The following SOD2 variants were observed in gnomAD, a reference collection of about 807,000 sequenced individuals.
SOD2 encodes the protein superoxide dismutase 2.
A neutral mutation model predicts 27.0 loss-of-function variants in SOD2; 11 were observed. The observed-to-expected ratio is 0.41, with a 90% CI of 0.26 to 0.67. The LOEUF is 0.67. Among genes scored for constraint, SOD2 ranks in the 30% least tolerant of loss-of-function variants. The pLI is 0.34. For missense variants in SOD2, 250 were observed against 274.5 expected (o/e 0.91, Z 0.63); for synonymous variants, 105 against 103.0 (o/e 1.02, Z -0.12).
chr6:159,701,101 A>C (rs1294025819), intron 1 of SOD2, among the ~76,000 whole-genome samples: 1 of 152,098 alleles, frequency 6.6e-6, no homozygotes, highest in Non-Finnish European at 1.5e-5. Flanking sequence ...GAGCAATATA[A>C]ATATAACCCC....
chr6:159,742,116 G>A (rs1417769727), intron 1 of SOD2: 1 of 1,607,804 alleles, frequency 6.2e-7, no homozygotes, highest in African/African-American at 1.3e-5. Flanking sequence ...ATATGTACAA[G>A]CTTTGGAGGG....
intron 1 of SOD2, among the ~76,000 whole-genome samples, chr6:159,709,167 A>G (rs1219012196): frequency 6.6e-6 from 1 of 152,210 alleles, no homozygotes; most frequent in Non-Finnish European, 1.5e-5. Flanking sequence ...AAAACCCTAG[A>G]AGAAAACCTA....
chr6:159,734,059 A>G (rs879444217), intron 1 of SOD2, among the ~76,000 whole-genome samples: 7 of 152,234 alleles, frequency 4.6e-5, no homozygotes, highest in Non-Finnish European at 4.4e-5. Context: ...AGAATGTTTC[A>G]TTTATAAAGT....
chr6:159,705,515 G>T (rs967380907), intron 1 of SOD2, among the ~76,000 whole-genome samples: 2 of 152,130 alleles, frequency 1.3e-5, no homozygotes, highest in Non-Finnish European at 2.9e-5. Context: ...GGAAGAAAGG[G>T]TATCAGTGAT....
rs1353775453 is a variant in SOD2 at position 159,675,237 on chromosome 6, G to GA, written c.*7255dup. ...ACCCATGACTTTCTTCATAGAATTG[G>GA]AAAAAACTACTTTAAAGTTCATGTG... On this transcript the variant is annotated 3_prime_UTR_variant, in exon 5 of 5. Coordinates refer to ENST00000538183, the MANE Select transcript of SOD2 (RefSeq NM_000636.4). 2 of 152,078 alleles carry GA rather than the reference G, an allele frequency of 1.3e-5. No homozygotes were observed. The highest frequency in any genetic ancestry group is 2.9e-5 in the Non-Finnish European group (2 of 68,008). The allele number at this position is 152,078 out of a possible 1,614,324, so 9.4% of individuals were successfully genotyped here.
At chr6:159,761,627 C>T (rs919787122) in exon 1 of SOD2, 7 of 453,910 alleles carry the variant, frequency 1.5e-5, no homozygotes, top group Non-Finnish European at 3.1e-5. Flanking sequence ...CGTGGGATTC[C>T]AGTCCTGAGC....
chr6:159,740,420 G>A (rs1292153459), intron 1 of SOD2, among the ~76,000 whole-genome samples: 2 of 152,198 alleles, frequency 1.3e-5, no homozygotes, highest in Admixed American at 6.5e-5. Context: ...GATTCCCTTG[G>A]AGATTTTAAA....
upstream of SOD2, among the ~76,000 whole-genome samples, chr6:159,696,134 A>G (rs1046805570): frequency 6.6e-6 from 1 of 152,184 alleles, no homozygotes; most frequent in Non-Finnish European, 1.5e-5. Context: ...TCCCTCATGT[A>G]ACAAAGATCT....
chr6:159,694,354 G>T (rs1199233941), upstream of SOD2, among the ~76,000 whole-genome samples: 2 of 152,160 alleles, frequency 1.3e-5, no homozygotes, highest in African/African-American at 4.8e-5. Context: ...GAAGGTAGCA[G>T]GTGCTGAACC....
chr6:159,736,065 T>C (rs1778894196), intron 1 of SOD2, among the ~76,000 whole-genome samples: 1 of 152,196 alleles, frequency 6.6e-6, no homozygotes, highest in African/African-American at 2.4e-5. Context: ...GTACAGAGTA[T>C]ATAGGAACTC....
chr6:159,749,064 G>T (rs1463806247), upstream of SOD2: 10 of 989,622 alleles, frequency 1.0e-5, no homozygotes, highest in South Asian at 4.2e-4. Context: ...TATATTACTT[G>T]CTTGAGCCTT....
upstream of SOD2, among the ~76,000 whole-genome samples, chr6:159,697,051 A>ACACG (rs1777433823): frequency 6.6e-6 from 1 of 151,146 alleles, no homozygotes; most frequent in African/African-American, 2.4e-5. Context: ...ACACACACAC[A>ACACG]CACACACACA....
At position 159,712,873 on chromosome 6, in the gene SOD2, T is replaced by G. The variant is rs878912581; in HGVS notation, c.-116+14256A>C. On this transcript the variant is annotated intron_variant, in intron 1 of 2. Coordinates refer to the SOD2 transcript ENST00000401980. The stretch of plus-strand genomic sequence containing the variant: ...CCTGCTGTAGATTCAAGAAAAGTTC[T>G]ACATAGGTGTGTTCATAAACCCCCC... 132 of 633,620 alleles carry G rather than the reference T, an allele frequency of 2.1e-4. 2 individuals carry two copies. The highest frequency in any genetic ancestry group is 1.9e-3 in the South Asian group (127 of 65,280). The allele number at this position is 633,620 out of a possible 1,614,324, so 39.2% of individuals were successfully genotyped here. A position where few individuals can be genotyped will look rare whatever the true frequency, so the allele number is the denominator to read the frequency against.
intron 1 of SOD2, among the ~76,000 whole-genome samples, chr6:159,711,742 CT>C (rs1777778975): frequency 1.8e-5 from 2 of 111,238 alleles, no homozygotes; most frequent in South Asian, 3.2e-4. Context: ...ACAACCACCA[CT>C]CACATTGCTC....
chr6:159,686,148 A>G (rs530210385), intron 3 of SOD2, among the ~76,000 whole-genome samples: 2 of 152,210 alleles, frequency 1.3e-5, no homozygotes, highest in Non-Finnish European at 2.9e-5. Context: ...CATCAACTAA[A>G]TCAACTGGGT....
chr6:159,695,923 C>T (rs2114801389), upstream of SOD2, among the ~76,000 whole-genome samples: 1 of 152,288 alleles, frequency 6.6e-6, no homozygotes, highest in Non-Finnish European at 1.5e-5. Flanking sequence ...ATCAGGACAC[C>T]ATGAATATGG....
At chr6:159,752,786 G>A (rs1779869837) in intron 1 of SOD2, among the ~76,000 whole-genome samples, 1 of 152,200 alleles carries the variant, frequency 6.6e-6, no homozygotes, top group African/African-American at 2.4e-5. Context: ...CAGGGTCCCT[G>A]TTTCCGAAGC....
intron 4 of SOD2, among the ~76,000 whole-genome samples, chr6:159,683,358 G>A (rs977303290): frequency 1.3e-5 from 2 of 152,050 alleles, no homozygotes; most frequent in African/African-American, 2.4e-5. Context: ...GGTGGCAGGC[G>A]CCTGTAATCC....
At chr6:159,698,797 AG>A (rs761548359) in intron 1 of SOD2, among the ~76,000 whole-genome samples, 19 of 151,996 alleles carry the variant, frequency 1.3e-4, no homozygotes, top group Non-Finnish European at 2.6e-4. Flanking sequence ...GCTAGAGAAA[AG>A]AAAAAAATAA....
Sources: gnomAD v4.1 joint callset for allele counts (sites outside exome capture counted in the v4.1 genomes callset) on GRCh38, gnomAD v4.1.1 for gene constraint, MANE v1.5 for transcripts, NCBI Gene and HGNC (gene_info 2026-07-23, HGNC 2026-07-21) for gene names.